Variants in BCOR observed in about 807,000 individuals in gnomAD.
BCOR encodes the protein BCL-6 corepressor.
A neutral mutation model predicts 86.7 loss-of-function variants in BCOR; 10 were observed. The ratio of observed to expected loss-of-function variants is 0.12; its 90% CI spans 0.07 to 0.20. The LOEUF is 0.20. Ranked by LOEUF, BCOR falls within the 10% of genes least tolerant of loss-of-function variation. The pLI, the probability that BCOR is intolerant of heterozygous loss-of-function variation, is 1.00. For missense variants in BCOR, 1,259 were observed against 1,452.1 expected (o/e 0.87, Z 2.16); for synonymous variants, 611 against 609.0 (o/e 1.00, Z -0.05).
intron 1 of BCOR, among the ~76,000 whole-genome samples, chrX:40,081,907 CTTGT>C (rs1197469744): frequency 2.7e-5 from 3 of 112,458 alleles, no homozygotes; most frequent in African/African-American, 9.7e-5. Context: ...AGAGACCTGG[CTTGT>C]GAGAAGCAGG....
At chrX:40,056,273 T>A in intron 11 of BCOR, among the ~76,000 whole-genome samples, 1 of 85,642 alleles carries the variant, frequency 1.2e-5, no homozygotes, top group Non-Finnish European at 2.2e-5. Context: ...CAAGCAACTG[T>A]CACACATTAA....
At chrX:40,152,454 C>T (rs887270819) in intron 1 of BCOR, among the ~76,000 whole-genome samples, 18 of 112,855 alleles carry the variant, frequency 1.6e-4, no homozygotes, top group African/African-American at 5.8e-4. Flanking sequence ...CGCTGCGCAT[C>T]TCCTCTGAGC....
intron 14 of BCOR, 98 bp from the exon 15 acceptor site, chrX:40,052,498 T>A: frequency 1.3e-6 from 1 of 769,241 alleles, no homozygotes. Flanking sequence ...CCAGCCTCTA[T>A]GTCCTTTCAT....
intron 1 of BCOR, among the ~76,000 whole-genome samples, chrX:40,092,780 T>C (rs1282669634): frequency 1.8e-5 from 2 of 112,575 alleles, no homozygotes; most frequent in Non-Finnish European, 3.8e-5. Context: ...CCTAGTTCAC[T>C]GCACACCATC....
At chrX:40,138,423 C>T (rs1410169445) in intron 1 of BCOR, among the ~76,000 whole-genome samples, 1 of 112,000 alleles carries the variant, frequency 8.9e-6, no homozygotes, top group Non-Finnish European at 1.9e-5. Flanking sequence ...AAGGAAAACT[C>T]GGAGGCCATC....
chrX:40,072,199 T>C, intron 4 of BCOR, 150 bp downstream of exon 4: 1 of 574,390 alleles, frequency 1.7e-6, no homozygotes, highest in East Asian at 3.6e-5. Flanking sequence ...CACGTTCTCT[T>C]ACTGGCCACA....
chrX:40,122,943 G>A (rs750535037), intron 1 of BCOR, among the ~76,000 whole-genome samples: 6 of 111,347 alleles, frequency 5.4e-5, no homozygotes, highest in Admixed American at 9.6e-5. Context: ...CCTGACGAGC[G>A]GGACTGTTTG....
At chrX:40,123,826 C>T (rs956338966) in intron 1 of BCOR, among the ~76,000 whole-genome samples, 26 of 109,386 alleles carry the variant, frequency 2.4e-4, no homozygotes, top group African/African-American at 8.1e-4. Context: ...TGTGTGCACG[C>T]GCGCACGCAT....
At chrX:40,077,639 C>A in intron 2 of BCOR, 1 of 437,383 alleles carries the variant, frequency 2.3e-6, no homozygotes. Flanking sequence ...CACTGAAAGG[C>A]CGCTTTAGGG....
At chrX:40,087,344 G>A (rs1040163853) in intron 1 of BCOR, among the ~76,000 whole-genome samples, 3 of 113,067 alleles carry the variant, frequency 2.7e-5, no homozygotes, top group Admixed American at 9.3e-5. Context: ...CAAATTACAC[G>A]CCTAATCGGT....
intron 1 of BCOR, among the ~76,000 whole-genome samples, chrX:40,135,060 C>CA (rs1937651575): frequency 9.0e-6 from 1 of 111,419 alleles, no homozygotes; most frequent in Non-Finnish European, 1.9e-5. Context: ...GAATCCCCCC[C>CA]ACATTATTCA....
intron 12 of BCOR, 103 bp downstream of exon 12, chrX:40,055,265 A>G: frequency 1.2e-6 from 1 of 858,218 alleles, no homozygotes; most frequent in South Asian, 2.1e-5. Context: ...AAAGCTTTAC[A>G]GTTTCAGCCT....
chrX:40,123,795 T>TTGTGTG lies in BCOR; in HGVS notation c.-40-45832_-40-45827dup, dbSNP rs59910543. Reference sequence around the variant, plus strand: ...GCTAGGGGAAGAGAAGGTTTCCTGGTTGTGTGTGTGTGTGTGTGTGTGTGT... The same window carrying TTGTGTG: ...GCTAGGGGAAGAGAAGGTTTCCTGGTTGTGTGTGTGTGTGTGTGTGTGTGTGTGTGT... On this transcript the variant is annotated intron_variant, in intron 1 of 14. Transcript: ENST00000342274. 7.9e-3 allele frequency among the ~76,000 whole-genome samples: 819 copies of TTGTGTG among 103,989 alleles called. 2 individuals carry two copies. The highest frequency in any genetic ancestry group is 0.014 in the African/African-American group (395 of 28,116). 90.3% of individuals were successfully genotyped at this position (103,989 alleles called of 115,157 possible). A position where few individuals can be genotyped will look rare whatever the true frequency, so the allele number is the denominator to read the frequency against.
At chrX:40,117,522 G>T (rs994704230) in intron 1 of BCOR, among the ~76,000 whole-genome samples, 1 of 106,901 alleles carries the variant, frequency 9.4e-6, no homozygotes, top group East Asian at 2.8e-4. Flanking sequence ...ACCCAGCAAA[G>T]ATAAATAGAA....
Position 40,057,397 on chromosome X carries a change from C to G in BCOR, c.4429-76G>C, listed in dbSNP as rs1205977720. 4.9e-6 allele frequency: 5 copies of G among 1,029,691 alleles called. No homozygotes were observed. The African/African-American group carries it at 5.6e-5, about 12-fold the overall frequency. 84.9% of individuals were successfully genotyped at this position (1,029,691 alleles called of 1,213,427 possible). A position where few individuals can be genotyped will look rare whatever the true frequency, so the allele number is the denominator to read the frequency against. ...GTAAGGTGGACCTCTCTGTAGCTTT[C>G]AAAGACATACACCCTCAGGCCTGAG... On this transcript the variant is annotated intron_variant, in intron 10 of 14. Coordinates refer to ENST00000378444, the MANE Select transcript of BCOR (RefSeq NM_001123385.2).
At chrX:40,175,385 G>A (rs1012767574) in intron 1 of BCOR, among the ~76,000 whole-genome samples, 4 of 113,471 alleles carry the variant, frequency 3.5e-5, no homozygotes, top group African/African-American at 1.3e-4. Context: ...TCTCCTTCGG[G>A]TTGAGCAAAC....
intron 1 of BCOR, among the ~76,000 whole-genome samples, chrX:40,126,313 C>T (rs547915557): frequency 3.2e-4 from 35 of 108,959 alleles, no homozygotes; most frequent in African/African-American, 1.2e-3. Context: ...CACCTGAGGT[C>T]GGGAGATCGA....
intron 1 of BCOR, among the ~76,000 whole-genome samples, chrX:40,161,434 G>A (rs761147854): frequency 6.5e-5 from 7 of 107,608 alleles, no homozygotes; most frequent in South Asian, 4.0e-4. Context: ...CCCTGACCTC[G>A]TGATCCGCCC....
chrX:40,073,855 A>G lies in BCOR; in HGVS notation c.1491T>C (p.Tyr497=), dbSNP rs1935623705. 2 of 1,212,312 alleles carry G rather than the reference A, an allele frequency of 1.6e-6. No individual in the cohort carries two copies. The highest frequency in any genetic ancestry group is 1.1e-6 in the Non-Finnish European group (1 of 895,646). ...GAGCAGTGCTGATGATTTCAGATCT[A>G]TAGATAGCACAACCATTTCCTGGAG... is the stretch of plus-strand genomic sequence containing the variant. ...LSPPGNGCAI[Y]RSEIISTAPS... Residue 497 remains tyrosine (Y), a synonymous_variant, in exon 4 of 15, where the codon TAT becomes TAC. Coordinates refer to ENST00000378444, the MANE Select transcript of BCOR (RefSeq NM_001123385.2).
Sources: gnomAD v4.1 joint callset for allele counts (sites outside exome capture counted in the v4.1 genomes callset) on GRCh38, gnomAD v4.1.1 for gene constraint, MANE v1.5 for transcripts, NCBI Gene and HGNC (gene_info 2026-07-23, HGNC 2026-07-21) for gene names.